APP: variants seen among roughly 807,000 people sequenced by gnomAD.
APP encodes the protein amyloid-beta precursor protein.
Under a neutral mutation model 101.4 loss-of-function variants are expected in APP, and 31 were observed. The ratio of observed to expected loss-of-function variants is 0.31; its 90% CI spans 0.23 to 0.41. The LOEUF is 0.41. APP is among the 10% of genes least tolerant of loss of function. The pLI is 1.00. For missense variants in APP, 839 were observed against 1,003.7 expected (o/e 0.84, Z 2.22); for synonymous variants, 366 against 364.4 (o/e 1.00, Z -0.05).
intron 1 of APP, among the ~76,000 whole-genome samples, chr21:26,135,908 C>T (rs892255481): frequency 7.2e-5 from 11 of 151,838 alleles, no homozygotes; most frequent in Admixed American, 2.0e-4. Context: ...CCGAGGCAGG[C>T]GGATCACGAG....
chr21:25,991,435 T>C (rs994610055), intron 8 of APP, among the ~76,000 whole-genome samples: 1 of 152,180 alleles, frequency 6.6e-6, no homozygotes, highest in Non-Finnish European at 1.5e-5. Flanking sequence ...TGGAGTGCGA[T>C]GGTGTGATCT....
At chr21:26,023,373 T>TAAA (rs35579863) in intron 5 of APP, among the ~76,000 whole-genome samples, 179 of 109,780 alleles carry the variant, frequency 1.6e-3, no homozygotes, top group African/African-American at 5.0e-3. Flanking sequence ...CCAAAAAAAT[T>TAAA]AAAAAAAAAA....
intron 1 of APP, among the ~76,000 whole-genome samples, chr21:26,123,923 CTGTT>C (rs1418537935): frequency 2.6e-5 from 4 of 151,660 alleles, no homozygotes; most frequent in Non-Finnish European, 5.9e-5. Context: ...TAAGTTTTCT[CTGTT>C]TGAAGAGAAG....
rs191531293 is a variant in APP, at chr21:26,142,020, A to G, written c.57+28544T>C. Among the ~76,000 whole-genome samples, 382 of 152,324 alleles carry G rather than the reference A, an allele frequency of 2.5e-3. 2 individuals are homozygous for G. Among genetic ancestry groups the G allele is most frequent in the African/African-American group, 8.8e-3 (366 of 41,576 alleles). On this transcript the variant is annotated intron_variant, in intron 1 of 17. Coordinates refer to ENST00000346798, the MANE Select transcript of APP (RefSeq NM_000484.4). ...TGTGGTGCCTAGCCACACTATATAC[A>G]TAACCTGGGAACCATGCAGCAAGAT... is the stretch of plus-strand genomic sequence containing the variant.
intron 11 of APP, among the ~76,000 whole-genome samples, chr21:25,973,942 T>TA (rs1568789777): frequency 4.1e-5 from 3 of 73,656 alleles, no homozygotes; most frequent in African/African-American, 3.6e-4. Flanking sequence ...TCCATCTCAT[T>TA]TAAAAAAAAA....
At chr21:26,145,068 C>A (rs962224872) in intron 1 of APP, among the ~76,000 whole-genome samples, 2 of 152,196 alleles carry the variant, frequency 1.3e-5, no homozygotes, top group African/African-American at 2.4e-5. Flanking sequence ...CATCAAAATA[C>A]GTGCCTTCCT....
chr21:25,991,310 T>C (rs2042853194), intron 8 of APP, among the ~76,000 whole-genome samples: 1 of 151,988 alleles, frequency 6.6e-6, no homozygotes. Flanking sequence ...CCCAAAGCTA[T>C]TGGAAAAAAA....
At chr21:25,988,702 C>CAAGAAAAAAAAAAA (rs2042736216) in intron 8 of APP, among the ~76,000 whole-genome samples, 1 of 62,372 alleles carries the variant, frequency 1.6e-5, no homozygotes, top group East Asian at 5.4e-4. Context: ...AACTCTGTCT[C>CAAGAAAAAAAAAAA]AAAAAAAAAA....
chr21:25,936,672 G>C (rs2146416127), intron 13 of APP, among the ~76,000 whole-genome samples: 1 of 152,330 alleles, frequency 6.6e-6, no homozygotes, highest in South Asian at 2.1e-4. Flanking sequence ...CGACCTGCTG[G>C]TACCTTGATC....
At chr21:25,989,658 A>G (rs907197049) in intron 8 of APP, among the ~76,000 whole-genome samples, 2 of 152,236 alleles carry the variant, frequency 1.3e-5, no homozygotes, top group Non-Finnish European at 2.9e-5. Flanking sequence ...CAGAAAAGCA[A>G]TTTATCTCTA....
At chr21:25,992,200 T>G (rs980578961) in intron 8 of APP, among the ~76,000 whole-genome samples, 1 of 152,152 alleles carries the variant, frequency 6.6e-6, no homozygotes, top group African/African-American at 2.4e-5. Context: ...CTGGCCAACA[T>G]GGTGAAACCC....
intron 15 of APP, among the ~76,000 whole-genome samples, chr21:25,899,899 T>A (rs184008985): frequency 6.6e-6 from 1 of 152,162 alleles, no homozygotes; most frequent in African/African-American, 2.4e-5. Flanking sequence ...AATATAGACA[T>A]AAAAGGCACA....
At chr21:26,048,870 A>T (rs571541076) in intron 5 of APP, among the ~76,000 whole-genome samples, 1 of 152,304 alleles carries the variant, frequency 6.6e-6, no homozygotes, top group Admixed American at 6.5e-5. Flanking sequence ...ATCATACATT[A>T]ACCCCATTTG....
intron 8 of APP, among the ~76,000 whole-genome samples, chr21:25,995,443 A>T (rs1211448104): frequency 1.2e-5 from 1 of 86,224 alleles, no homozygotes; most frequent in Non-Finnish European, 2.2e-5. Context: ...TTTGGTGTGG[A>T]GTGCGGCCAA....
In APP at chr21:26,021,972, C is replaced by T; in HGVS notation, c.733G>A (p.Asp245Asn). The change falls in exon 6 of 18, where the codon GAC becomes AAC. Residue 245 changes from aspartate to asparagine, a missense_variant. Transcript: ENST00000346798. ...AEVEEEEADD[D>N]EDDEDGDEVE... ...TCATCACCATCCTCATCGTCCTCGTCATCATCGGCTTCTTCTTCTTCCACC... is the reference window on the plus strand; with the variant it reads ...TCATCACCATCCTCATCGTCCTCGTTATCATCGGCTTCTTCTTCTTCCACC... 2.5e-6 allele frequency: 4 copies of T among 1,614,042 alleles called. No individual in the cohort carries two copies. The highest frequency in any genetic ancestry group is 2.7e-5 in the African/African-American group (2 of 75,044).
intron 16 of APP, among the ~76,000 whole-genome samples, chr21:25,896,761 C>G (rs2038077082): frequency 6.6e-6 from 1 of 152,096 alleles, no homozygotes; most frequent in South Asian, 2.1e-4. Context: ...TTGCACAAAC[C>G]TTTTGATGAA....
At chr21:26,082,520 T>C (rs146074008) in intron 3 of APP, among the ~76,000 whole-genome samples, 271 of 152,380 alleles carry the variant, frequency 1.8e-3, no homozygotes, top group African/African-American at 5.9e-3. Context: ...TAGTATTCAT[T>C]ATAAATGAAT....
intron 1 of APP, among the ~76,000 whole-genome samples, chr21:26,125,908 G>C (rs894197485): frequency 1.3e-5 from 2 of 152,136 alleles, no homozygotes; most frequent in African/African-American, 2.4e-5. Context: ...AAATTATCTG[G>C]ACTCTCACCA....
chr21:26,146,165 C>T (rs143767649), intron 1 of APP, among the ~76,000 whole-genome samples: 4,187 of 152,236 alleles, frequency 0.028, 197 homozygotes, highest in African/African-American at 0.096. Flanking sequence ...TGAAACCCTG[C>T]TTCTACTAAA....
Sources: gnomAD v4.1 joint callset for allele counts (sites outside exome capture counted in the v4.1 genomes callset) on GRCh38, gnomAD v4.1.1 for gene constraint, MANE v1.5 for transcripts, NCBI Gene and HGNC (gene_info 2026-07-23, HGNC 2026-07-21) for gene names.